TRAPPC9: variants seen among roughly 807,000 people sequenced by gnomAD.
The protein encoded by TRAPPC9 is trafficking protein particle complex subunit 9, also known as IKK2 binding protein.
TRAPPC9 carries 83 observed loss-of-function variants against 124.0 expected under a neutral mutation model. The observed-to-expected ratio is 0.67, with a 90% confidence interval of 0.56 to 0.80. TRAPPC9 has a LOEUF of 0.80. Among genes scored for constraint, TRAPPC9 ranks in the 30% least tolerant of loss-of-function variants. The pLI, the probability that TRAPPC9 is intolerant of heterozygous loss-of-function variation, is 0.00. For synonymous variants in TRAPPC9, 638 were observed against 617.5 expected (o/e 1.03, Z -0.49); for missense variants, 1,302 against 1,508.3 (o/e 0.86, Z 2.27).
intron 21 of TRAPPC9, among the ~76,000 whole-genome samples, chr8:139,787,831 G>A (rs1055133080): frequency 6.6e-6 from 1 of 152,146 alleles, no homozygotes. Flanking sequence ...GTGTGGCTTT[G>A]AGCAATTTTG....
At chr8:139,912,129 T>C (rs911716553) in intron 19 of TRAPPC9, among the ~76,000 whole-genome samples, 5 of 152,146 alleles carry the variant, frequency 3.3e-5, no homozygotes, top group African/African-American at 1.2e-4. Context: ...AAAAAGAAAA[T>C]AAAAGCATTC....
At chr8:140,120,507 T>C (rs1251063606) in intron 17 of TRAPPC9, among the ~76,000 whole-genome samples, 1 of 152,078 alleles carries the variant, frequency 6.6e-6, no homozygotes, top group Non-Finnish European at 1.5e-5. Flanking sequence ...CTCATCCATC[T>C]AGCCTCCATC....
At chr8:139,914,874 G>A (rs548576410) in intron 19 of TRAPPC9, 2 of 152,316 alleles carry the variant, frequency 1.3e-5, no homozygotes, top group South Asian at 4.1e-4. Flanking sequence ...CCTCGTCCTG[G>A]GTTTAAGCTT....
At chr8:140,205,925 C>T (rs531340126) in intron 17 of TRAPPC9, among the ~76,000 whole-genome samples, 1 of 152,358 alleles carries the variant, frequency 6.6e-6, no homozygotes, top group East Asian at 1.9e-4. Flanking sequence ...GGCCCACCCC[C>T]TCATCCTCAG....
chr8:140,049,984 G>A (rs1841880708), intron 17 of TRAPPC9, among the ~76,000 whole-genome samples: 2 of 152,242 alleles, frequency 1.3e-5, no homozygotes, highest in African/African-American at 4.8e-5. Flanking sequence ...ACACATGCAG[G>A]TGTGAGCGGT....
chr8:139,971,587 C>T (rs1233125587), intron 19 of TRAPPC9, among the ~76,000 whole-genome samples: 1 of 152,112 alleles, frequency 6.6e-6, no homozygotes, highest in African/African-American at 2.4e-5. Context: ...TCCCCTCGAG[C>T]CCAGTGCTCT....
At chr8:140,397,905 C>A (rs550678399) in intron 6 of TRAPPC9, among the ~76,000 whole-genome samples, 160 bp from the exon 7 acceptor site, 28 of 152,268 alleles carry the variant, frequency 1.8e-4, no homozygotes, top group Non-Finnish European at 3.4e-4. Flanking sequence ...GTGTCCCCAC[C>A]CAAATCTCAT....
At chr8:139,836,890 G>A (rs1826394052) in intron 21 of TRAPPC9, among the ~76,000 whole-genome samples, 1 of 152,016 alleles carries the variant, frequency 6.6e-6, no homozygotes, top group Admixed American at 6.6e-5. Context: ...CCTCCAGGGA[G>A]GTCAGAAAGG....
At chr8:139,974,029 C>A (rs913295603) in intron 19 of TRAPPC9, among the ~76,000 whole-genome samples, 1 of 152,122 alleles carries the variant, frequency 6.6e-6, no homozygotes, top group Admixed American at 6.5e-5. Context: ...CTCCATGGTC[C>A]CCCCATCCCT....
intron 21 of TRAPPC9, among the ~76,000 whole-genome samples, chr8:139,803,135 T>C (rs534872579): frequency 6.6e-6 from 1 of 151,998 alleles, no homozygotes; most frequent in South Asian, 2.1e-4. Flanking sequence ...TGTGAAGGTG[T>C]GTCTGTGTGC....
chr8:140,034,364 T>C (rs1840741986), intron 17 of TRAPPC9, among the ~76,000 whole-genome samples: 1 of 152,220 alleles, frequency 6.6e-6, no homozygotes, highest in Non-Finnish European at 1.5e-5. Context: ...CTCTTCCCAC[T>C]GACAAATTCT....
chr8:139,837,924 C>T (rs1177471653), intron 21 of TRAPPC9, among the ~76,000 whole-genome samples: 1 of 152,154 alleles, frequency 6.6e-6, no homozygotes, highest in East Asian at 1.9e-4. Context: ...TGTCTTCTCA[C>T]AGCTCGCCCA....
At chr8:140,120,777 T>TCATTCATCCATC (rs1336997146) in intron 17 of TRAPPC9, among the ~76,000 whole-genome samples, 3 of 143,562 alleles carry the variant, frequency 2.1e-5, no homozygotes, top group Non-Finnish European at 4.5e-5. Context: ...ATCCATCCAT[T>TCATTCATCCATC]CATTCATCCA....
chr8:139,852,009 T>C (rs1827501993), intron 21 of TRAPPC9, among the ~76,000 whole-genome samples: 1 of 152,204 alleles, frequency 6.6e-6, no homozygotes, highest in Admixed American at 6.5e-5. Flanking sequence ...TGAATTCCCA[T>C]GTGCTGTGGG....
At chr8:140,224,411 A>G (rs1587961752) in intron 16 of TRAPPC9, among the ~76,000 whole-genome samples, 2 of 152,348 alleles carry the variant, frequency 1.3e-5, no homozygotes, top group African/African-American at 4.8e-5. Flanking sequence ...AGATTTCAGA[A>G]GAGTTCACCA....
chr8:139,861,936 T>A (rs1272226951), intron 21 of TRAPPC9, among the ~76,000 whole-genome samples: 1 of 151,856 alleles, frequency 6.6e-6, no homozygotes, highest in African/African-American at 2.4e-5. Context: ...AAGATGAAAC[T>A]TTGTGTCCAC....
At chr8:140,149,417 C>G (rs564893722) in intron 17 of TRAPPC9, among the ~76,000 whole-genome samples, 80 of 152,204 alleles carry the variant, frequency 5.3e-4, no homozygotes, top group African/African-American at 1.8e-3. Context: ...CTCGGGAGTT[C>G]GAGACTAGCC....
intron 21 of TRAPPC9, among the ~76,000 whole-genome samples, chr8:139,882,938 C>T (rs1056073683): frequency 3.3e-5 from 5 of 152,162 alleles, no homozygotes; most frequent in Non-Finnish European, 5.9e-5. Flanking sequence ...AAAAGAAATC[C>T]CTGAGCCCCC....
At chr8:140,198,989 C>T (rs184996649) in intron 17 of TRAPPC9, among the ~76,000 whole-genome samples, 6 of 152,288 alleles carry the variant, frequency 3.9e-5, no homozygotes, top group African/African-American at 1.2e-4. Flanking sequence ...AGGCTGAACG[C>T]GGCAACACCC....
Sources: allele counts gnomAD v4.1 joint callset (sites outside exome capture counted in the v4.1 genomes callset), GRCh38; gene constraint gnomAD v4.1.1; transcripts MANE v1.5; gene names NCBI Gene and HGNC (gene_info 2026-07-23, HGNC 2026-07-21).